Variants in AURKA observed in about 807,000 individuals in gnomAD.
AURKA encodes the protein aurora 2.
Under a neutral mutation model 40.9 loss-of-function variants are expected in AURKA, and 12 were observed. The ratio of observed to expected loss-of-function variants is 0.29; its 90% CI spans 0.19 to 0.48. AURKA has a LOEUF of 0.48. Ranked by LOEUF, AURKA falls within the 20% of genes least tolerant of loss-of-function variation. AURKA has a pLI of 0.99. For synonymous variants in AURKA, 170 were observed against 164.3 expected (o/e 1.03, Z -0.26); for missense variants, 322 against 462.1 (o/e 0.70, Z 2.78).
intron 6 of AURKA, among the ~76,000 whole-genome samples, chr20:56,375,201 T>A (rs1209563699): frequency 6.6e-6 from 1 of 152,090 alleles, no homozygotes; most frequent in Non-Finnish European, 1.5e-5. Context: ...CATACCTCAC[T>A]GCAGCCTTGA....
In AURKA at chr20:56,386,442, T is replaced by C; in HGVS notation, c.134A>G (p.Gln45Arg). 2 of 1,614,210 alleles carry C rather than the reference T, an allele frequency of 1.2e-6. No individual in the cohort carries two copies. The highest frequency in any genetic ancestry group is 1.7e-6 in the Non-Finnish European group (2 of 1,180,028). Residue 45 changes from glutamine (Q) to arginine (R), a missense_variant, in exon 3 of 9, where the codon CAG (glutamine) becomes CGG (arginine). Physicochemically the swap from Gln to Arg is conservative, Grantham distance 43. Transcript: ENST00000395915. ...NPLPVNSGQA[Q>R]RVLCPSNSSQ... The stretch of plus-strand genomic sequence containing the variant: ...AGAATTTGAAGGACACAAGACCCGC[T>C]GAGCCTGGCCACTATTTACAGGTAA...
At chr20:56,371,331 G>T (rs1467471179) in intron 7 of AURKA, among the ~76,000 whole-genome samples, 1 of 151,864 alleles carries the variant, frequency 6.6e-6, no homozygotes, top group Non-Finnish European at 1.5e-5. Flanking sequence ...GTGTGGTGGT[G>T]TGCGCCTGTA....
chr20:56,383,370 G>A (rs559437979), intron 4 of AURKA, among the ~76,000 whole-genome samples, 194 bp from the exon 5 acceptor site: 13 of 152,304 alleles, frequency 8.5e-5, no homozygotes, highest in Non-Finnish European at 1.3e-4. Context: ...CCTAGCTGCC[G>A]TCAGGTGTGA....
intron 1 of AURKA, chr20:56,388,418 C>A (rs1986647304): frequency 1.7e-6 from 1 of 594,514 alleles, no homozygotes; most frequent in Non-Finnish European, 3.0e-6. Context: ...TCCTCTGTCA[C>A]GGAGTCTTCA....
At chr20:56,377,963 C>G (rs76272814) in intron 6 of AURKA, among the ~76,000 whole-genome samples, 3,526 of 152,186 alleles carry the variant, frequency 0.023, 71 homozygotes, top group Middle Eastern at 0.082. Context: ...ACCAGGATTT[C>G]GAAACCGACC....
At chr20:56,378,952 A>G (rs574469722) in intron 6 of AURKA, among the ~76,000 whole-genome samples, 52 of 152,346 alleles carry the variant, frequency 3.4e-4, no homozygotes, top group Non-Finnish European at 6.9e-4. Context: ...TCTATATCAT[A>G]ATGGTGGATA....
chr20:56,373,559 G>A lies in AURKA; in HGVS notation c.706-3C>T. 6.2e-7 allele frequency: 1 copy of A among 1,613,666 alleles called. No homozygotes were observed. The highest frequency in any genetic ancestry group is 8.5e-7 in the Non-Finnish European group (1 of 1,179,574). On this transcript the variant is annotated splice_polypyrimidine_tract_variant and splice_region_variant and intron_variant, in intron 6 of 8. Transcript: ENST00000395915. This position sits in a 1 kb window ranked among gnomAD's most constrained non-coding sequence, Gnocchi z 5.0. ...GCATTTGCCAATTCTGTTATATACTGTTAAAACAATATTGAAAGCCTATGT... is the reference window on the plus strand; with the variant it reads ...GCATTTGCCAATTCTGTTATATACTATTAAAACAATATTGAAAGCCTATGT...
rs1984027127 is a variant in AURKA, at chr20:56,370,643, C to G, written c.871G>C (p.Gly291Arg). The G allele has an allele frequency of 1.2e-6, 2 of 1,614,192 alleles. No individual in the cohort carries two copies. Among genetic ancestry groups the G allele is most frequent in the Non-Finnish European group, 1.7e-6 (2 of 1,180,030 alleles). The change falls in exon 8 of 9, where the codon GGC becomes CGC. Residue 291 changes from glycine to arginine, a missense_variant. Gly to Arg is a moderately radical substitution (Grantham distance 125). Transcript: ENST00000395915. ...TCAGGGGGCAGGTAGTCCAGGGTGCCACAGAGAGTGGTCCTCCTGAAAACG... is the reference window on the plus strand; with the variant it reads ...TCAGGGGGCAGGTAGTCCAGGGTGCGACAGAGAGTGGTCCTCCTGAAAACG... The part of the protein sequence containing the change: ...APSSRRTTLC[G>R]TLDYLPPEMI...
intron 7 of AURKA, among the ~76,000 whole-genome samples, chr20:56,370,954 G>A (rs1984083416): frequency 6.6e-6 from 1 of 152,168 alleles, no homozygotes; most frequent in South Asian, 2.1e-4. Flanking sequence ...GCCATGCAAA[G>A]TTCTCTGTAA....
Position 56,373,521 on chromosome 20 carries a change from A to G in AURKA, c.741T>C (p.Cys247=), listed in dbSNP as rs149725527. 198 of 1,614,220 alleles carry G rather than the reference A, an allele frequency of 1.2e-4. 1 individual carries two copies. In the African/African-American group the frequency reaches 2.4e-3, roughly 20 times the overall value. ...ITELANALSY[C]HSKRVIHRDI... is the part of the protein sequence containing the mutation. ...CTCTATGAATAACTCTCTTCGAATG[A>G]CAGTAAGACAGGGCATTTGCCAATT... is the stretch of plus-strand genomic sequence containing the variant. The change falls in exon 7 of 9, where the codon TGT becomes TGC. Residue 247 remains cysteine, a synonymous_variant. Coordinates refer to ENST00000395915, the MANE Select transcript of AURKA (RefSeq NM_198437.3). The surrounding 1 kb of genome is among the most constrained non-coding windows in gnomAD (Gnocchi z 5.0).
chr20:56,389,720 T>C (rs138547765), intron 1 of AURKA, among the ~76,000 whole-genome samples: 426 of 152,280 alleles, frequency 2.8e-3, no homozygotes, highest in Non-Finnish European at 5.0e-3. Context: ...CCTCCCCAAA[T>C]CTAGTCTCTA....
intron 6 of AURKA, among the ~76,000 whole-genome samples, chr20:56,378,536 G>A (rs1985254975): frequency 6.6e-6 from 1 of 152,170 alleles, no homozygotes; most frequent in Admixed American, 6.5e-5. Context: ...TCCTATATAT[G>A]TGCCCAACTA....
chr20:56,380,578 C>T (rs73913921), intron 6 of AURKA, among the ~76,000 whole-genome samples: 201 of 152,288 alleles, frequency 1.3e-3, no homozygotes, highest in African/African-American at 4.7e-3. Flanking sequence ...CCACTCTCTA[C>T]TCCTTAAGTG....
In AURKA at chr20:56,369,785, A is replaced by C; in HGVS notation, c.*373T>G. The C allele has an allele frequency of 2.3e-6, 1 of 435,788 alleles. No homozygotes were observed. Among genetic ancestry groups the C allele is most frequent in the Non-Finnish European group, 4.3e-6 (1 of 233,738 alleles). The allele number at this position is 435,788 out of a possible 1,614,324, so 27.0% of individuals were successfully genotyped here. A position where few individuals can be genotyped will look rare whatever the true frequency, so the allele number is the denominator to read the frequency against. On this transcript the variant is annotated 3_prime_UTR_variant, in exon 9 of 9. Transcript: ENST00000395915. ...ACTCAGGTACTAGGAAGGTTATTGCACAGCTCCTTAACTGATCGGGGTCAG... is the reference window on the plus strand; with the variant it reads ...ACTCAGGTACTAGGAAGGTTATTGCCCAGCTCCTTAACTGATCGGGGTCAG...
intron 4 of AURKA, 120 bp downstream of exon 4, chr20:56,384,150 A>G (rs116818656): frequency 5.6e-6 from 4 of 711,738 alleles, no homozygotes; most frequent in East Asian, 2.7e-5. Context: ...GGAAACATTT[A>G]TATCCTCTAA....
At chr20:56,384,750 T>C (rs1986151111) in intron 3 of AURKA, among the ~76,000 whole-genome samples, 2 of 152,040 alleles carry the variant, frequency 1.3e-5, no homozygotes, top group Admixed American at 6.6e-5. Context: ...CACCAACATG[T>C]AGCAAAACAT....
At chr20:56,391,523 G>C (rs1323286786) in intron 1 of AURKA, among the ~76,000 whole-genome samples, 1 of 152,120 alleles carries the variant, frequency 6.6e-6, no homozygotes, top group Non-Finnish European at 1.5e-5. Flanking sequence ...CTACCCCTCA[G>C]AGATTCTGAT....
rs952963019 is a variant in AURKA at position 56,372,894 on chromosome 20, T to C, written c.854+514A>G. ...GCTGTGACAGGGGATAAGAAAGGAC[T>C]ATCCCTACTATTGACAGAGGCAGAC... On this transcript the variant is annotated intron_variant, in intron 7 of 8. Transcript: ENST00000395915. Among the ~76,000 whole-genome samples, 4 of 152,230 alleles carry C rather than the reference T, an allele frequency of 2.6e-5. No individual in the cohort carries two copies. The East Asian group carries it at 7.7e-4, about 29-fold the overall frequency.
intron 5 of AURKA, among the ~76,000 whole-genome samples, chr20:56,382,129 A>C (rs1203848582): frequency 6.6e-6 from 1 of 150,596 alleles, no homozygotes; most frequent in Non-Finnish European, 1.5e-5. Context: ...GCGCCACTGC[A>C]CTCCAGTCTG....
Sources: gnomAD v4.1 joint callset for allele counts (sites outside exome capture counted in the v4.1 genomes callset) on GRCh38, gnomAD v4.1.1 for gene constraint, Gnocchi (gnomAD v3.1) non-coding constraint, MANE v1.5 for transcripts, NCBI Gene and HGNC (gene_info 2026-07-23, HGNC 2026-07-21) for gene names.